Variants in MICU3 observed in about 807,000 individuals in gnomAD.
The protein encoded by MICU3 is calcium uptake protein 3, mitochondrial.
Under a neutral mutation model 66.5 loss-of-function variants are expected in MICU3, and 62 were observed. The ratio of observed to expected loss-of-function variants is 0.93; its 90% CI spans 0.76 to 1.15. The LOEUF (loss-of-function observed/expected upper bound fraction) is 1.15, where lower values mean the gene tolerates loss of function less well. Ranked by LOEUF, MICU3 falls within the 50% of genes most tolerant of loss-of-function variation. The pLI is 0.00. For missense variants in MICU3, 779 were observed against 664.4 expected, an observed-to-expected ratio of 1.17 and a Z score of -1.90; for synonymous variants, 308 against 240.7, an observed-to-expected ratio of 1.28 and a Z score of -2.59.
Position 17,085,284 on chromosome 8 carries a change from G to A in MICU3, c.743G>A (p.Gly248Asp), listed in dbSNP as rs1220938256. The A allele has an allele frequency of 1.9e-6, 3 of 1,610,440 alleles. No homozygotes were observed. The highest frequency in any genetic ancestry group is 1.7e-5 in the Admixed American group (1 of 59,844). The stretch of plus-strand genomic sequence containing the variant: ...GCTTTCAACATGTTTGACACTGATG[G>A]CAATGAGATGGTGGATAAAAAAGAG... The part of the protein sequence containing the change: ...RIAFNMFDTD[G>D]NEMVDKKEFL... Residue 248 changes from glycine (G) to aspartate (D), a missense_variant, in exon 6 of 15, where the codon GGC becomes GAC. Transcript: ENST00000318063.
intron 10 of MICU3, among the ~76,000 whole-genome samples, 169 bp from the exon 11 acceptor site, chr8:17,105,244 G>A (rs369360843): frequency 7.9e-5 from 12 of 152,024 alleles, no homozygotes; most frequent in African/African-American, 2.7e-4. Flanking sequence ...GTAGTAAAGC[G>A]ATCGTGTGTT....
At chr8:17,081,338 T>G (rs1458723416) in intron 4 of MICU3, among the ~76,000 whole-genome samples, 1 of 152,120 alleles carries the variant, frequency 6.6e-6, no homozygotes, top group African/African-American at 2.4e-5. Flanking sequence ...TTATTTTTAC[T>G]TGTTTTTTCC....
intron 8 of MICU3, 126 bp downstream of exon 8, chr8:17,090,710 A>G (rs559865221): frequency 3.0e-6 from 2 of 663,094 alleles, no homozygotes; most frequent in South Asian, 6.3e-5. Flanking sequence ...TTTATTGAAC[A>G]CAATAGGTGC....
At chr8:17,104,800 C>A (rs1468704055) in intron 10 of MICU3, among the ~76,000 whole-genome samples, 1 of 38,884 alleles carries the variant, frequency 2.6e-5, no homozygotes, top group Non-Finnish European at 4.1e-5. Context: ...TCGAGACCAT[C>A]CTGGCTAACA....
the MICU3 span, among the ~76,000 whole-genome samples, chr8:17,130,978 T>C: frequency 6.6e-6 from 1 of 152,132 alleles, no homozygotes; most frequent in East Asian, 1.9e-4. Flanking sequence ...TGTAAAATGA[T>C]AGAGAAAAAA....
At chr8:17,083,405 G>T (rs1821482018) in intron 5 of MICU3, among the ~76,000 whole-genome samples, 1 of 152,066 alleles carries the variant, frequency 6.6e-6, no homozygotes, top group Non-Finnish European at 1.5e-5. Context: ...TAATTTGTTA[G>T]TCCTACAAAG....
At position 17,027,549 on chromosome 8, in the gene MICU3, G is replaced by T; in HGVS notation, c.270G>T (p.Arg90Ser). ...LVCYQLYGDPRAGSPATGRPS... is the reference protein window; with the variant it reads ...LVCYQLYGDPSAGSPATGRPS... ...GCTACCAGCTGTACGGGGACCCCAG[G>T]GCCGGCTCGCCGGCGACCGGGCGAC... The change falls in exon 1 of 15, where the codon AGG becomes AGT. Residue 90 changes from arginine (R) to serine (S), a missense_variant. By Grantham distance (110) the Arg-to-Ser change is moderately radical. Transcript: ENST00000318063. 1 of 1,281,224 alleles carries T rather than the reference G, an allele frequency of 7.8e-7. No homozygotes were observed. Among genetic ancestry groups the T allele is most frequent in the South Asian group, 2.6e-5 (1 of 38,538 alleles). 79.4% of individuals were successfully genotyped at this position (1,281,224 alleles called of 1,614,324 possible).
At position 17,085,288 on chromosome 8, in the gene MICU3, T is replaced by C. The variant is rs79459174; in HGVS notation, c.747T>C (p.Asn249=). ...TCAACATGTTTGACACTGATGGCAATGAGATGGTGGATAAAAAAGAGTTTT... is the reference window on the plus strand; with the variant it reads ...TCAACATGTTTGACACTGATGGCAACGAGATGGTGGATAAAAAAGAGTTTT... The part of the protein sequence containing the change: ...IAFNMFDTDG[N]EMVDKKEFLV... The change falls in exon 6 of 15, where the codon AAT becomes AAC. Residue 249 remains asparagine, a synonymous_variant. Transcript: ENST00000318063. 1,601 of 1,609,234 alleles carry C rather than the reference T, an allele frequency of 9.9e-4. 28 individuals carry two copies. In the East Asian group the frequency reaches 0.025, roughly 25 times the overall value.
At chr8:17,028,165 T>G (rs1316858292) in intron 1 of MICU3, among the ~76,000 whole-genome samples, 1 of 147,780 alleles carries the variant, frequency 6.8e-6, no homozygotes, top group Non-Finnish European at 1.5e-5. Context: ...GCTAACGCCC[T>G]TATCATACCC....
intron 5 of MICU3, among the ~76,000 whole-genome samples, chr8:17,083,865 C>T (rs1404999562): frequency 6.6e-6 from 1 of 151,992 alleles, no homozygotes; most frequent in Non-Finnish European, 1.5e-5. Context: ...AAGCTAAGTA[C>T]CTAAACCAGC....
Position 17,105,458 on chromosome 8 carries a change from T to G in MICU3, c.1131T>G (p.Leu377=). Residue 377 remains leucine (L), a synonymous_variant, in exon 11 of 15, where the codon CTT becomes CTG. Transcript: ENST00000318063. ...CAGAAGTTCTAGAAATAGAATTCCT[T>G]TCCTACTCAAATGGAATGAATACCA... is the stretch of plus-strand genomic sequence containing the variant. ...LQTEVLEIEF[L]SYSNGMNTIS... is the part of the protein sequence containing the mutation. The G allele has an allele frequency of 1.3e-5, 20 of 1,573,798 alleles. No homozygotes were observed. Among genetic ancestry groups the G allele is most frequent in the Non-Finnish European group, 1.7e-5 (20 of 1,156,660 alleles).
At chr8:17,040,269 C>G (rs1194241211) in intron 1 of MICU3, among the ~76,000 whole-genome samples, 1 of 152,028 alleles carries the variant, frequency 6.6e-6, no homozygotes, top group African/African-American at 2.4e-5. Context: ...TATTCATTAC[C>G]CACGCTATAA....
chr8:17,031,467 T>G (rs1276310018), intron 1 of MICU3, among the ~76,000 whole-genome samples: 1 of 151,662 alleles, frequency 6.6e-6, no homozygotes, highest in Non-Finnish European at 1.5e-5. Flanking sequence ...TTTTGTATTT[T>G]TAGTAGAGAC....
the MICU3 span, among the ~76,000 whole-genome samples, chr8:17,130,946 A>G: frequency 1.3e-5 from 2 of 152,240 alleles, no homozygotes. Context: ...TATTTTATAT[A>G]TAAAGACATG....
chr8:17,032,172 A>G (rs1420227124), intron 1 of MICU3, among the ~76,000 whole-genome samples: 2 of 152,214 alleles, frequency 1.3e-5, no homozygotes, highest in Non-Finnish European at 2.9e-5. Context: ...TAAAGGTCAA[A>G]ATTCCAGGCT....
At chr8:17,068,304 T>C (rs1254720571) in intron 2 of MICU3, among the ~76,000 whole-genome samples, 1 of 152,154 alleles carries the variant, frequency 6.6e-6, no homozygotes, top group African/African-American at 2.4e-5. Flanking sequence ...TCCGACAGAA[T>C]GAATATGTCT....
chr8:17,054,067 A>G (rs376129542), intron 1 of MICU3, among the ~76,000 whole-genome samples: 1 of 152,198 alleles, frequency 6.6e-6, no homozygotes, highest in East Asian at 1.9e-4. Context: ...GGTCTTTTTG[A>G]TAGAAAAAAA....
At chr8:17,114,393 T>G (rs1240433783) in intron 12 of MICU3, among the ~76,000 whole-genome samples, 192 bp downstream of exon 12, 1 of 152,094 alleles carries the variant, frequency 6.6e-6, no homozygotes, top group Non-Finnish European at 1.5e-5. Context: ...TCATGGCCAC[T>G]GGGTGACATT....
At chr8:17,036,704 T>A (rs1184321276) in intron 1 of MICU3, among the ~76,000 whole-genome samples, 1 of 152,170 alleles carries the variant, frequency 6.6e-6, no homozygotes, top group Non-Finnish European at 1.5e-5. Flanking sequence ...CTGAGCTAGA[T>A]ATAAAGACTC....
Sources: gnomAD v4.1 joint callset for allele counts (sites outside exome capture counted in the v4.1 genomes callset) on GRCh38, gnomAD v4.1.1 for gene constraint, MANE v1.5 for transcripts, NCBI Gene and HGNC (gene_info 2026-07-23, HGNC 2026-07-21) for gene names.